Variants in ADAMTS20 observed in about 807,000 individuals in gnomAD.
ADAMTS20 encodes the protein A disintegrin and metalloproteinase with thrombospondin motifs 20.
In ADAMTS20, 225 loss-of-function variants were observed where a neutral mutation model predicts 260.1. That is an observed-to-expected ratio of 0.87 (90% CI 0.78 to 0.97). The LOEUF (loss-of-function observed/expected upper bound fraction) is 0.97. Ranked by LOEUF, ADAMTS20 falls within the 50% of genes least tolerant of loss-of-function variation. The pLI, the probability that ADAMTS20 is intolerant of heterozygous loss-of-function variation, is 0.00. For missense variants in ADAMTS20, 2,400 were observed against 2,337.7 expected (o/e 1.03, Z -0.55); for synonymous variants, 802 against 769.5 (o/e 1.04, Z -0.70).
At chr12:43,472,835 A>T (rs1182623136) in intron 7 of ADAMTS20, among the ~76,000 whole-genome samples, 3 of 150,882 alleles carry the variant, frequency 2.0e-5, no homozygotes, top group Non-Finnish European at 4.4e-5. Flanking sequence ...TCCTGAAGGA[A>T]GCGCTAAACA....
chr12:43,546,300 G>A (rs918782301), intron 2 of ADAMTS20, among the ~76,000 whole-genome samples: 1 of 152,138 alleles, frequency 6.6e-6, no homozygotes, highest in African/African-American at 2.4e-5. Flanking sequence ...GCCATGACAA[G>A]CTCTACTCCA....
At chr12:43,457,722 C>T (rs1941989558) in intron 11 of ADAMTS20, among the ~76,000 whole-genome samples, 1 of 152,184 alleles carries the variant, frequency 6.6e-6, no homozygotes, top group Admixed American at 6.5e-5. Flanking sequence ...ATTGACCTTT[C>T]ATTATCTCAC....
intron 4 of ADAMTS20, 63 bp downstream of exon 4, chr12:43,502,089 A>T (rs535629532): frequency 1.4e-6 from 2 of 1,430,338 alleles, no homozygotes; most frequent in African/African-American, 2.9e-5. Context: ...TTAATTCGAC[A>T]TGAAAAAATT....
intron 2 of ADAMTS20, 84 bp from the exon 3 acceptor site, chr12:43,532,279 G>T: frequency 8.0e-7 from 1 of 1,249,442 alleles, no homozygotes; most frequent in African/African-American, 1.5e-5. Flanking sequence ...TAAATGAGCA[G>T]ACAGAAGCAA....
intron 3 of ADAMTS20, among the ~76,000 whole-genome samples, chr12:43,521,393 G>T (rs61925172): frequency 1.3e-5 from 2 of 151,976 alleles, no homozygotes; most frequent in African/African-American, 4.8e-5. Flanking sequence ...TCATGTATTC[G>T]CAAAAATATT....
chr12:43,450,726 T>A (rs1305508993), intron 14 of ADAMTS20, among the ~76,000 whole-genome samples: 1 of 152,120 alleles, frequency 6.6e-6, no homozygotes, highest in Non-Finnish European at 1.5e-5. Flanking sequence ...TTTTAATTAT[T>A]TTTTATCTTT....
chr12:43,375,278 G>C (rs1375211160), intron 36 of ADAMTS20, 101 bp downstream of exon 36: 8 of 1,280,988 alleles, frequency 6.2e-6, no homozygotes, highest in Non-Finnish European at 8.4e-6. Context: ...ACAATGTCAG[G>C]TCCTTCTCTG....
intron 2 of ADAMTS20, among the ~76,000 whole-genome samples, chr12:43,543,395 A>C (rs574682116): frequency 3.3e-5 from 5 of 152,292 alleles, no homozygotes; most frequent in Admixed American, 2.0e-4. Context: ...AGGAGCCAAA[A>C]ACTGCTAAAT....
rs568017388 is a variant in ADAMTS20, at chr12:43,550,475, A to T, written c.453+434T>A. 2.6e-5 allele frequency among the ~76,000 whole-genome samples: 4 copies of T among 152,282 alleles called. 1 individual carries two copies. In the South Asian group the frequency reaches 6.2e-4, roughly 24 times the overall value. Reference sequence around the variant, plus strand: ...TTGCCAGTGGGAGCCATTTCATTTTATGTATATTCATTCTCCTTTCCTTCT... The same window carrying T: ...TTGCCAGTGGGAGCCATTTCATTTTTTGTATATTCATTCTCCTTTCCTTCT... On this transcript the variant is annotated intron_variant, in intron 2 of 38. Coordinates refer to ENST00000389420, the MANE Select transcript of ADAMTS20 (RefSeq NM_025003.5).
intron 4 of ADAMTS20, among the ~76,000 whole-genome samples, chr12:43,498,367 T>C (rs1212259819): frequency 6.6e-6 from 1 of 152,228 alleles, no homozygotes; most frequent in Non-Finnish European, 1.5e-5. Context: ...TAAGGATAGA[T>C]AATCCAAGTT....
At chr12:43,411,471 G>A (rs1232244974) in intron 28 of ADAMTS20, among the ~76,000 whole-genome samples, 1 of 152,182 alleles carries the variant, frequency 6.6e-6, no homozygotes, top group Non-Finnish European at 1.5e-5. Flanking sequence ...GAGTTCAAGC[G>A]ATTCTCCTGC....
intron 2 of ADAMTS20, among the ~76,000 whole-genome samples, chr12:43,536,413 A>ATT (rs1371904613): frequency 1.3e-5 from 2 of 152,224 alleles, no homozygotes; most frequent in Non-Finnish European, 2.9e-5. Flanking sequence ...ACAGAGATAA[A>ATT]TGTGACAAAA....
chr12:43,432,692 T>C lies in ADAMTS20; in HGVS notation c.2840A>G (p.His947Arg). The change falls in exon 20 of 39, where the codon CAC becomes CGC. Residue 947 changes from histidine (H) to arginine (R), a missense_variant. Transcript: ENST00000389420. ...AGGTTTAAGCTGGTCACCACAGTAG[T>C]GGTCATCAACTTGAACAGTCTGTCC... is the stretch of plus-strand genomic sequence containing the variant. ...HEGQTVQVDD[H>R]YCGDQLKPPT... is the part of the protein sequence containing the mutation. 3 of 1,613,964 alleles carry C rather than the reference T, an allele frequency of 1.9e-6. No individual in the cohort carries two copies. Among genetic ancestry groups the C allele is most frequent in the South Asian group, 1.1e-5 (1 of 91,086 alleles).
intron 4 of ADAMTS20, among the ~76,000 whole-genome samples, chr12:43,501,498 CACACAT>C (rs1162199321): frequency 2.3e-3 from 341 of 151,372 alleles, no homozygotes; most frequent in African/African-American, 7.1e-3. Context: ...CACACACACA[CACACAT>C]GTAAGGATGA....
In ADAMTS20 at chr12:43,431,329, C is replaced by T; in HGVS notation, c.3261+3G>A. ...ATTAGAAAAACCCATATCATATACT[C>T]ACAGGACCCCATGGTCCTACTTGCC... On this transcript the variant is annotated splice_donor_region_variant and intron_variant, in intron 22 of 38. Coordinates refer to ENST00000389420, the MANE Select transcript of ADAMTS20 (RefSeq NM_025003.5). 6.2e-7 allele frequency: 1 copy of T among 1,613,434 alleles called. No individual in the cohort carries two copies. Among genetic ancestry groups the T allele is most frequent in the Non-Finnish European group, 8.5e-7 (1 of 1,179,522 alleles).
chr12:43,391,780 T>G (rs1940602097), intron 29 of ADAMTS20, among the ~76,000 whole-genome samples: 2 of 152,092 alleles, frequency 1.3e-5, no homozygotes, highest in Admixed American at 1.3e-4. Flanking sequence ...CAAAATACAG[T>G]TTTACCCTGA....
At chr12:43,356,024 T>C (rs1939736298) in intron 38 of ADAMTS20, among the ~76,000 whole-genome samples, 1 of 152,134 alleles carries the variant, frequency 6.6e-6, no homozygotes, top group Non-Finnish European at 1.5e-5. Context: ...ATTTGTTAAA[T>C]GACAAGTGTC....
At chr12:43,407,353 T>C (rs1387214791) in intron 28 of ADAMTS20, among the ~76,000 whole-genome samples, 1 of 151,554 alleles carries the variant, frequency 6.6e-6, no homozygotes, top group Non-Finnish European at 1.5e-5. Flanking sequence ...TTTTATATTA[T>C]TTTGAGCATA....
intron 10 of ADAMTS20, among the ~76,000 whole-genome samples, chr12:43,464,167 C>A (rs1402092195): frequency 1.3e-5 from 2 of 151,942 alleles, no homozygotes; most frequent in African/African-American, 2.4e-5. Flanking sequence ...AAATTTAATT[C>A]TTTTGAATTC....
Sources: gnomAD v4.1 joint callset for allele counts (sites outside exome capture counted in the v4.1 genomes callset) on GRCh38, gnomAD v4.1.1 for gene constraint, MANE v1.5 for transcripts, NCBI Gene and HGNC (gene_info 2026-07-23, HGNC 2026-07-21) for gene names.